Variants in JAKMIP2 observed in about 807,000 individuals in gnomAD.
JAKMIP2 encodes janus kinase and microtubule-interacting protein 2.
JAKMIP2 carries 25 observed loss-of-function variants against 115.0 expected under a neutral mutation model. The ratio of observed to expected loss-of-function variants is 0.22; its 90% confidence interval spans 0.16 to 0.30. JAKMIP2 has a LOEUF of 0.30. JAKMIP2 is among the 10% of genes least tolerant of loss of function. The pLI, the probability that JAKMIP2 is intolerant of heterozygous loss-of-function variation, is 1.00. For missense variants in JAKMIP2, 642 were observed against 957.6 expected (o/e 0.67, Z 4.35); for synonymous variants, 334 against 343.6 (o/e 0.97, Z 0.31).
At chr5:147,777,007 A>G (rs1226616407) in intron 1 of JAKMIP2, among the ~76,000 whole-genome samples, 1 of 152,184 alleles carries the variant, frequency 6.6e-6, no homozygotes, top group East Asian at 1.9e-4. Context: ...GAAAACTAAC[A>G]TGAATCTGAA....
At chr5:147,598,457 T>TA (rs1755519595) in intron 21 of JAKMIP2, among the ~76,000 whole-genome samples, 1 of 123,468 alleles carries the variant, frequency 8.1e-6, no homozygotes, top group South Asian at 2.7e-4. Flanking sequence ...TCTATCTATC[T>TA]ATCATCTATC....
At position 147,590,794 on chromosome 5, in the gene JAKMIP2, C is replaced by T. The variant is rs1186809095; in HGVS notation, c.*913G>A. 2.0e-5 allele frequency: 3 copies of T among 152,274 alleles called. No individual in the cohort carries two copies. Among genetic ancestry groups the T allele is most frequent in the Middle Eastern group, 3.4e-3 (1 of 294 alleles). The allele number at this position is 152,274 out of a possible 1,614,324, so 9.4% of individuals were successfully genotyped here. Reference sequence around the variant, plus strand: ...GTTGGCGTTCTAAACAGAACTAAGTCAGGGAGCATGTGATTTACAGTATCA... The same window carrying T: ...GTTGGCGTTCTAAACAGAACTAAGTTAGGGAGCATGTGATTTACAGTATCA... On this transcript the variant is annotated 3_prime_UTR_variant, in exon 22 of 22. Coordinates refer to ENST00000616793, the MANE Select transcript of JAKMIP2 (RefSeq NM_001270941.2).
At chr5:147,621,249 C>T (rs1756833591) in intron 17 of JAKMIP2, among the ~76,000 whole-genome samples, 1 of 152,206 alleles carries the variant, frequency 6.6e-6, no homozygotes, top group Non-Finnish European at 1.5e-5. Flanking sequence ...GCTTTTGCCA[C>T]AAAGCCAGTG....
At chr5:147,630,798 G>A (rs1444167640) in intron 14 of JAKMIP2, among the ~76,000 whole-genome samples, 1 of 152,156 alleles carries the variant, frequency 6.6e-6, no homozygotes, top group Non-Finnish European at 1.5e-5. Flanking sequence ...TGATTTCACT[G>A]AAGGACAATA....
chr5:147,592,400 G>T (rs752634856), intron 21 of JAKMIP2, among the ~76,000 whole-genome samples: 42 of 152,284 alleles, frequency 2.8e-4, no homozygotes, highest in Non-Finnish European at 5.1e-4. Flanking sequence ...AGGTTTCTTG[G>T]TTGGCCCAGA....
intron 1 of JAKMIP2, among the ~76,000 whole-genome samples, chr5:147,692,604 TAGGG>T (rs1751916008): frequency 6.6e-6 from 1 of 152,172 alleles, no homozygotes; most frequent in Non-Finnish European, 1.5e-5. Context: ...CTTGTGAAAG[TAGGG>T]AGGGTGTTTG....
chr5:147,594,475 C>A, intron 21 of JAKMIP2: 1 of 453,530 alleles, frequency 2.2e-6, no homozygotes, highest in East Asian at 7.0e-5. Context: ...GCTGGTACTA[C>A]AGGTATGTGC....
At chr5:147,718,293 T>C (rs1280011931) in intron 1 of JAKMIP2, among the ~76,000 whole-genome samples, 5 of 150,014 alleles carry the variant, frequency 3.3e-5, no homozygotes, top group Non-Finnish European at 5.9e-5. Flanking sequence ...ATCAAGGATA[T>C]TGGTCTAAAA....
chr5:147,641,732 A>G lies in JAKMIP2; in HGVS notation c.1257T>C (p.His419=). 6.2e-7 allele frequency: 1 copy of G among 1,613,452 alleles called. No homozygotes were observed. Among genetic ancestry groups the G allele is most frequent in the Middle Eastern group, 1.7e-4 (1 of 6,060 alleles). ...CCTTAATTGGCTTGGAACTTCTTCT[A>G]TGCTTTCTTCTACGGATGAGCTTTT... The part of the protein sequence containing the change: ...DREKLIRRRK[H]RRSSKPIKRP... Residue 419 remains histidine, a synonymous_variant, in exon 8 of 22, where the codon CAT becomes CAC. Coordinates refer to ENST00000616793, the MANE Select transcript of JAKMIP2 (RefSeq NM_001270941.2).
chr5:147,609,033 T>G (rs921424312), intron 20 of JAKMIP2, among the ~76,000 whole-genome samples: 1 of 150,768 alleles, frequency 6.6e-6, no homozygotes, highest in African/African-American at 2.4e-5. Context: ...GCTTGGTAAA[T>G]CTTTCTCCAT....
chr5:147,681,272 T>A (rs1200995174), intron 1 of JAKMIP2, among the ~76,000 whole-genome samples: 1 of 152,166 alleles, frequency 6.6e-6, no homozygotes, highest in African/African-American at 2.4e-5. Flanking sequence ...GTAGAAGTAA[T>A]GTCTAAGTTG....
intron 2 of JAKMIP2, among the ~76,000 whole-genome samples, 172 bp downstream of exon 2, chr5:147,671,506 C>T (rs1326374491): frequency 6.6e-6 from 1 of 152,204 alleles, no homozygotes; most frequent in East Asian, 1.9e-4. Flanking sequence ...GTCCTGTGCT[C>T]AGTTCCCTCC....
At chr5:147,676,072 G>A (rs192960324) in intron 1 of JAKMIP2, among the ~76,000 whole-genome samples, 1 of 152,206 alleles carries the variant, frequency 6.6e-6, no homozygotes, top group East Asian at 1.9e-4. Context: ...GGTGGCTCAC[G>A]CCTGCAATCC....
intron 7 of JAKMIP2, among the ~76,000 whole-genome samples, chr5:147,642,489 C>G (rs186996693): frequency 8.5e-5 from 13 of 152,132 alleles, no homozygotes; most frequent in Admixed American, 3.9e-4. Flanking sequence ...GATGAGTGTG[C>G]CTAAATAGCC....
At chr5:147,759,592 A>T (rs1754862636) in intron 1 of JAKMIP2, among the ~76,000 whole-genome samples, 1 of 152,148 alleles carries the variant, frequency 6.6e-6, no homozygotes, top group Non-Finnish European at 1.5e-5. Context: ...GAGGTGCTGG[A>T]GAGCACCTGG....
chr5:147,677,654 T>C (rs1760040753), intron 1 of JAKMIP2, among the ~76,000 whole-genome samples: 1 of 152,246 alleles, frequency 6.6e-6, no homozygotes, highest in South Asian at 2.1e-4. Flanking sequence ...AAATCCATTC[T>C]TGATAAACAA....
chr5:147,660,889 C>T (rs1046404328), intron 3 of JAKMIP2, 59 bp downstream of exon 3: 57 of 1,563,926 alleles, frequency 3.6e-5, no homozygotes, highest in Non-Finnish European at 4.5e-5. Context: ...AACCCCACAG[C>T]GCTCTGAAAC....
Position 147,632,697 on chromosome 5 carries a change from G to A in JAKMIP2, c.1759C>T (p.Arg587Ter). The part of the protein sequence containing the change: ...ARDQNELLEF[R>*]NLELEERERR... ...TTCCTTACTTCTAGCTCTAGGTTTC[G>A]AAACTCCAGCAGCTCATTCTGGTCT... The change falls in exon 13 of 22, where the codon CGA becomes TGA. Residue 587 changes from arginine (R) to a stop codon, truncating the protein, a stop_gained. Coordinates refer to ENST00000616793, the MANE Select transcript of JAKMIP2 (RefSeq NM_001270941.2). LOFTEE classifies it high-confidence loss of function. 1.2e-6 allele frequency: 2 copies of A among 1,607,588 alleles called. No homozygotes were observed. Among genetic ancestry groups the A allele is most frequent in the Admixed American group, 1.7e-5 (1 of 59,398 alleles).
chr5:147,775,812 A>G (rs1755531831), intron 1 of JAKMIP2, among the ~76,000 whole-genome samples: 1 of 152,196 alleles, frequency 6.6e-6, no homozygotes, highest in Admixed American at 6.5e-5. Flanking sequence ...TCAGTCAAAC[A>G]GTCTTTATTG....
Sources: allele counts gnomAD v4.1 joint callset (sites outside exome capture counted in the v4.1 genomes callset), GRCh38; gene constraint gnomAD v4.1.1; transcripts MANE v1.5; gene names NCBI Gene and HGNC (gene_info 2026-07-23, HGNC 2026-07-21).